AFF2: variants seen among roughly 807,000 people sequenced by gnomAD.
The protein encoded by AFF2 is AF4/FMR2 family member 2.
AFF2 carries 14 observed loss-of-function variants against 76.9 expected under a neutral mutation model. The ratio of observed to expected loss-of-function variants is 0.18; its 90% CI spans 0.12 to 0.28. The LOEUF is 0.28. Among genes scored for constraint, AFF2 ranks in the 10% least tolerant of loss-of-function variants. The probability of loss-of-function intolerance (pLI) is 1.00; values close to 1 mark genes in which losing one functional copy is unlikely to be tolerated. For missense variants in AFF2, 868 were observed against 1,001.1 expected (o/e 0.87, Z 1.79); for synonymous variants, 398 against 366.7 (o/e 1.09, Z -0.98).
At chrX:148,658,217 G>A (rs2054272481) in intron 2 of AFF2, among the ~76,000 whole-genome samples, 1 of 111,799 alleles carries the variant, frequency 8.9e-6, no homozygotes, top group Non-Finnish European at 1.9e-5. Context: ...TCTGTCTTAA[G>A]AACTACTACA....
At chrX:148,772,901 G>A (rs1391012640) in intron 3 of AFF2, among the ~76,000 whole-genome samples, 6 of 110,731 alleles carry the variant, frequency 5.4e-5, no homozygotes, top group African/African-American at 2.0e-4. Flanking sequence ...AAAAATGCTT[G>A]AATAACATAG....
At chrX:148,759,179 C>T (rs2069411159) in intron 3 of AFF2, among the ~76,000 whole-genome samples, 1 of 112,064 alleles carries the variant, frequency 8.9e-6, no homozygotes, top group Admixed American at 9.4e-5. Context: ...TGCTTTGTGT[C>T]GCCTAGACAT....
chrX:148,719,169 C>A (rs1294688887), intron 3 of AFF2: 2 of 1,147,650 alleles, frequency 1.7e-6, no homozygotes, highest in Admixed American at 5.2e-5. Flanking sequence ...CTTCACCCCT[C>A]TTTCTTGATC....
chrX:148,934,110 CAT>C (rs1437877607), intron 9 of AFF2, among the ~76,000 whole-genome samples: 1 of 112,744 alleles, frequency 8.9e-6, no homozygotes, highest in Non-Finnish European at 1.9e-5. Context: ...CAAGTTGTCA[CAT>C]ATTTTTACAT....
chrX:148,957,354 C>G (rs1415301236), intron 11 of AFF2, among the ~76,000 whole-genome samples: 5 of 111,091 alleles, frequency 4.5e-5, no homozygotes, highest in African/African-American at 1.6e-4. Flanking sequence ...CTTAAGATTC[C>G]TCATTGAACC....
At position 148,985,125 on chromosome X, in the gene AFF2, C is replaced by T. The variant is rs1302490640; in HGVS notation, c.3624-2242C>T. ...TCAGCCTCCCAAGTAGCTGGGACTA[C>T]AGGCGTGTGCCACCATGCCCAGCTA... On this transcript the variant is annotated intron_variant, in intron 19 of 20. Coordinates refer to ENST00000370460, the MANE Select transcript of AFF2 (RefSeq NM_002025.4). 2.8e-5 allele frequency among the ~76,000 whole-genome samples: 3 copies of T among 108,900 alleles called. No individual in the cohort carries two copies. In the East Asian group the frequency reaches 8.6e-4, roughly 31 times the overall value. 94.6% of individuals were successfully genotyped at this position (108,900 alleles called of 115,157 possible).
chrX:148,903,474 A>ATATACTGTGAAGATCACTAGCTCTTT (rs1458683959), intron 8 of AFF2, among the ~76,000 whole-genome samples: 62 of 112,034 alleles, frequency 5.5e-4, no homozygotes, highest in African/African-American at 1.9e-3. Context: ...GTTTCTTCTA[A>ATATACTGTGAAGATCACTAGCTCTTT]TATACTGTGA....
chrX:148,814,647 G>T (rs2070243374), intron 4 of AFF2, among the ~76,000 whole-genome samples: 1 of 111,524 alleles, frequency 9.0e-6, no homozygotes, highest in Non-Finnish European at 1.9e-5. Flanking sequence ...CACCTACTTG[G>T]CCACCTCTTT....
intron 13 of AFF2, among the ~76,000 whole-genome samples, chrX:148,965,355 T>C (rs1557288527): frequency 8.9e-6 from 1 of 111,858 alleles, no homozygotes; most frequent in African/African-American, 3.2e-5. Context: ...AGAGGAATTG[T>C]TTTCAAGAAG....
At chrX:148,667,560 C>T (rs2054372424) in intron 3 of AFF2, among the ~76,000 whole-genome samples, 2 of 111,873 alleles carry the variant, frequency 1.8e-5, no homozygotes, top group Admixed American at 1.9e-4. Context: ...TACAGTTCCA[C>T]GTGGCTGGGG....
At chrX:148,742,827 A>G (rs782554690) in intron 3 of AFF2, among the ~76,000 whole-genome samples, 9 of 112,174 alleles carry the variant, frequency 8.0e-5, no homozygotes, top group African/African-American at 2.6e-4. Context: ...TTATCAGTCC[A>G]TCTTTCTGCA....
intron 3 of AFF2, among the ~76,000 whole-genome samples, chrX:148,762,480 ATGTGTGTG>A (rs144985699): frequency 4.3e-5 from 4 of 92,559 alleles, no homozygotes; most frequent in South Asian, 5.2e-4. Flanking sequence ...ACATATGTAT[ATGTGTGTG>A]TGTGTGTGTG....
At chrX:148,663,626 T>A (rs2054330283) in intron 3 of AFF2, among the ~76,000 whole-genome samples, 1 of 112,365 alleles carries the variant, frequency 8.9e-6, no homozygotes, top group South Asian at 3.7e-4. Context: ...CTACTGCACC[T>A]CAAGCGTTTG....
intron 1 of AFF2, among the ~76,000 whole-genome samples, chrX:148,542,128 G>C (rs1001235995): frequency 9.1e-6 from 1 of 109,618 alleles, no homozygotes; most frequent in Non-Finnish European, 1.9e-5. Flanking sequence ...GCTAATCAGG[G>C]ATTTGCATCT....
chrX:148,969,764 TG>T (rs201935120), intron 15 of AFF2, among the ~76,000 whole-genome samples: 1,438 of 109,981 alleles, frequency 0.013, 21 homozygotes, highest in African/African-American at 0.045. Flanking sequence ...TTGGTGGTGG[TG>T]GGGGGGTGAT....
chrX:148,669,243 A>G (rs1473421456), intron 3 of AFF2, among the ~76,000 whole-genome samples: 4 of 112,017 alleles, frequency 3.6e-5, no homozygotes, highest in Non-Finnish European at 5.6e-5. Flanking sequence ...AAGACAGTCA[A>G]CAAGTCTCTA....
At chrX:148,758,935 G>A (rs782049160) in intron 3 of AFF2, among the ~76,000 whole-genome samples, 2 of 111,567 alleles carry the variant, frequency 1.8e-5, no homozygotes, top group African/African-American at 3.3e-5. Flanking sequence ...CACAATGCCC[G>A]ACTAATTTTT....
chrX:148,811,460 G>A (rs945308045), intron 4 of AFF2, among the ~76,000 whole-genome samples: 3 of 111,681 alleles, frequency 2.7e-5, no homozygotes, highest in Admixed American at 9.5e-5. Context: ...TGCACACTGG[G>A]AACTCAGGCC....
At chrX:148,926,463 C>T (rs1053522781) in intron 9 of AFF2, among the ~76,000 whole-genome samples, 4 of 111,429 alleles carry the variant, frequency 3.6e-5, no homozygotes, top group Non-Finnish European at 7.5e-5. Context: ...TGACAGTGGC[C>T]GACTGATGGT....
Sources: allele counts gnomAD v4.1 joint callset (sites outside exome capture counted in the v4.1 genomes callset), GRCh38; gene constraint gnomAD v4.1.1; transcripts MANE v1.5; gene names NCBI Gene and HGNC (gene_info 2026-07-23, HGNC 2026-07-21).